SEMA5A: variants seen among roughly 807,000 people sequenced by gnomAD.
SEMA5A encodes semaphorin-5A.
Under a neutral mutation model 135.5 loss-of-function variants are expected in SEMA5A, and 55 were observed. The observed-to-expected ratio is 0.41, with a 90% CI of 0.33 to 0.51. The LOEUF (loss-of-function observed/expected upper bound fraction) is 0.51, where lower values mean the gene tolerates loss of function less well. SEMA5A is among the 20% of genes least tolerant of loss of function. The pLI is 0.37. For missense variants in SEMA5A, 1,290 were observed against 1,419.9 expected (o/e 0.91, Z 1.47); for synonymous variants, 580 against 546.5 (o/e 1.06, Z -0.85).
chr5:9,280,733 C>G (rs527881733), intron 5 of SEMA5A: 1 of 285,534 alleles, frequency 3.5e-6, no homozygotes, highest in Non-Finnish European at 7.3e-6. Context: ...ATGGAGGACT[C>G]TCAAGTTAAC....
chr5:9,158,504 T>TAA (rs3842073), intron 11 of SEMA5A, among the ~76,000 whole-genome samples: 40 of 144,814 alleles, frequency 2.8e-4, no homozygotes, highest in African/African-American at 1.0e-3. Flanking sequence ...GATCAACAAG[T>TAA]AAAAAAAAAA....
chr5:9,154,097 G>GTGTGTA (rs1553993823), intron 12 of SEMA5A, among the ~76,000 whole-genome samples: 42 of 111,412 alleles, frequency 3.8e-4, no homozygotes, highest in African/African-American at 9.9e-4. Flanking sequence ...ATATATATGT[G>GTGTGTA]TGTGTGTGTA....
intron 4 of SEMA5A, among the ~76,000 whole-genome samples, chr5:9,323,730 C>T (rs112021512): frequency 0.02 from 2,804 of 142,614 alleles, 84 homozygotes; most frequent in African/African-American, 0.07. Context: ...GGCATGATCT[C>T]GACTCACTGC....
intron 1 of SEMA5A, among the ~76,000 whole-genome samples, chr5:9,521,798 C>T (rs1278813739): frequency 1.3e-5 from 2 of 152,134 alleles, no homozygotes; most frequent in South Asian, 2.1e-4. Flanking sequence ...TCCCTGCAGC[C>T]GTGTTCTGAG....
intron 12 of SEMA5A, among the ~76,000 whole-genome samples, chr5:9,154,097 G>GTGTGTGTA (rs1553993824): frequency 6.3e-5 from 7 of 111,426 alleles, no homozygotes; most frequent in African/African-American, 2.2e-4. Flanking sequence ...ATATATATGT[G>GTGTGTGTA]TGTGTGTGTA....
chr5:9,371,612 A>G (rs1172818805), intron 3 of SEMA5A, among the ~76,000 whole-genome samples: 1 of 152,242 alleles, frequency 6.6e-6, no homozygotes, highest in African/African-American at 2.4e-5. Flanking sequence ...AAAGCAGGCA[A>G]TGTGGTTATA....
intron 12 of SEMA5A, among the ~76,000 whole-genome samples, chr5:9,148,608 C>T (rs375065675): frequency 3.3e-5 from 5 of 152,174 alleles, no homozygotes; most frequent in African/African-American, 9.7e-5. Context: ...TTCATATACC[C>T]GCACTAGGAT....
intron 1 of SEMA5A, among the ~76,000 whole-genome samples, chr5:9,443,229 A>G (rs1320492595): frequency 6.6e-6 from 1 of 152,176 alleles, no homozygotes; most frequent in East Asian, 1.9e-4. Context: ...AAGAATGGCA[A>G]TCTCTGTGGC....
chr5:9,455,647 C>A (rs945684595), intron 1 of SEMA5A, among the ~76,000 whole-genome samples: 7 of 152,172 alleles, frequency 4.6e-5, no homozygotes. Context: ...TTTTAAACTG[C>A]AATCAAGCAA....
chr5:9,414,418 G>T (rs1223428660), intron 2 of SEMA5A, among the ~76,000 whole-genome samples: 1 of 152,144 alleles, frequency 6.6e-6, no homozygotes, highest in Non-Finnish European at 1.5e-5. Flanking sequence ...ATGTCCATTT[G>T]ATCTTTGGAC....
chr5:9,269,828 T>A (rs1316904456), intron 5 of SEMA5A, among the ~76,000 whole-genome samples: 2 of 152,080 alleles, frequency 1.3e-5, no homozygotes, highest in Admixed American at 6.6e-5. Flanking sequence ...CACTTCTGAG[T>A]TAGGAAGCCA....
intron 8 of SEMA5A, among the ~76,000 whole-genome samples, chr5:9,203,983 G>A (rs550615452): frequency 6.6e-6 from 1 of 152,036 alleles, no homozygotes; most frequent in Admixed American, 6.6e-5. Flanking sequence ...TGGTGGGTGG[G>A]GGGGTGTTAA....
intron 18 of SEMA5A, among the ~76,000 whole-genome samples, chr5:9,059,514 T>C (rs6890063): frequency 0.013 from 1,931 of 152,310 alleles, 53 homozygotes; most frequent in African/African-American, 0.044. Context: ...AATTTTTTCA[T>C]TGATTAATTT....
intron 21 of SEMA5A, among the ~76,000 whole-genome samples, 195 bp from the exon 22 acceptor site, chr5:9,044,779 G>GATT (rs372233462): frequency 1.2e-3 from 180 of 151,874 alleles, no homozygotes; most frequent in East Asian, 3.9e-3. Context: ...GGGAGCACAG[G>GATT]ATTATTATTA....
At position 9,190,444 on chromosome 5, in the gene SEMA5A, C is replaced by T. The variant is rs764789764; in HGVS notation, c.1096G>A (p.Val366Met). The change falls in exon 11 of 23, where the codon GTG (valine) becomes ATG (methionine). Residue 366 changes from valine (V) to methionine (M), a missense_variant. By Grantham distance (21) the Val-to-Met change is conservative (BLOSUM62 1). Transcript: ENST00000382496. ...QCGTVDQGLY[V>M]NLTERNLQDA... is the part of the protein sequence containing the mutation. ...TGCAGATTTCTCTCGGTCAGGTTCA[C>T]GTACAGGCCCTGGTCCACGGTGCCA... 3.7e-5 allele frequency: 59 copies of T among 1,613,662 alleles called. No individual in the cohort carries two copies. The highest frequency in any genetic ancestry group is 1.1e-4 in the East Asian group (5 of 44,850).
intron 2 of SEMA5A, among the ~76,000 whole-genome samples, chr5:9,400,531 G>A (rs1756613480): frequency 2.4e-5 from 1 of 41,404 alleles, no homozygotes; most frequent in Non-Finnish European, 4.1e-5. Context: ...TTTTGAGACG[G>A]AGTCTCGCTC....
intron 2 of SEMA5A, among the ~76,000 whole-genome samples, chr5:9,385,601 GCTGAC>G (rs1339713591): frequency 6.6e-6 from 1 of 152,102 alleles, no homozygotes; most frequent in African/African-American, 2.4e-5. Flanking sequence ...AGGTGAGTGA[GCTGAC>G]CTAGTGAGGT....
At chr5:9,468,934 G>C (rs1032966561) in intron 1 of SEMA5A, among the ~76,000 whole-genome samples, 1 of 152,152 alleles carries the variant, frequency 6.6e-6, no homozygotes, top group South Asian at 2.1e-4. Flanking sequence ...TGTTGTAAGA[G>C]GTTCATTTTT....
intron 2 of SEMA5A, among the ~76,000 whole-genome samples, chr5:9,417,865 T>A (rs1362037986): frequency 6.6e-6 from 1 of 152,166 alleles, no homozygotes; most frequent in Non-Finnish European, 1.5e-5. Context: ...AAGATCACAG[T>A]GCCAGCAGAT....
Sources: gnomAD v4.1 joint callset for allele counts (sites outside exome capture counted in the v4.1 genomes callset) on GRCh38, gnomAD v4.1.1 for gene constraint, MANE v1.5 for transcripts, NCBI Gene and HGNC (gene_info 2026-07-23, HGNC 2026-07-21) for gene names.